ADGRB3: variants seen among roughly 807,000 people sequenced by gnomAD.
ADGRB3 encodes brain-specific angiogenesis inhibitor 3.
In ADGRB3, 37 loss-of-function variants were observed where a neutral mutation model predicts 193.4. The observed-to-expected ratio is 0.19, with a 90% confidence interval of 0.15 to 0.25. The LOEUF is 0.25. Ranked by LOEUF, ADGRB3 falls within the 10% of genes least tolerant of loss-of-function variation. ADGRB3 has a pLI of 1.00. For synonymous variants in ADGRB3, 690 were observed against 644.2 expected, an observed-to-expected ratio of 1.07 and a Z score of -1.08; for missense variants, 1,637 against 1,852.9, an observed-to-expected ratio of 0.88 and a Z score of 2.14.
chr6:69,166,751 A>G (rs1486117435), intron 17 of ADGRB3, among the ~76,000 whole-genome samples: 1 of 152,152 alleles, frequency 6.6e-6, no homozygotes, highest in Non-Finnish European at 1.5e-5. Flanking sequence ...CTAGGGTTGC[A>G]TCATTAGGCC....
At chr6:68,857,418 C>T (rs905803774) in intron 3 of ADGRB3, among the ~76,000 whole-genome samples, 9 of 152,300 alleles carry the variant, frequency 5.9e-5, no homozygotes, top group African/African-American at 2.2e-4. Flanking sequence ...TGTGAACCTG[C>T]CTCTTGCATC....
chr6:69,078,479 A>G (rs1772296488), intron 17 of ADGRB3, among the ~76,000 whole-genome samples: 2 of 152,076 alleles, frequency 1.3e-5, no homozygotes, highest in South Asian at 4.1e-4. Flanking sequence ...TATTGTATGA[A>G]CACTTGACAA....
intron 3 of ADGRB3, among the ~76,000 whole-genome samples, chr6:68,677,800 T>G (rs891279226): frequency 1.4e-4 from 22 of 152,062 alleles, no homozygotes; most frequent in African/African-American, 4.8e-4. Flanking sequence ...AGAGAGGGAG[T>G]TTCGCCATTT....
Position 68,934,047 on chromosome 6 carries a change from G to A in ADGRB3, c.869-2472G>A, listed in dbSNP as rs996965623. On this transcript the variant is annotated intron_variant, in intron 4 of 31. Coordinates refer to ENST00000370598, the MANE Select transcript of ADGRB3 (RefSeq NM_001704.3). ...AGTTATTCTCACAATGGCCTAATGT[G>A]CTTGACTAGAATGTTCTTCATACTT... Among the ~76,000 whole-genome samples, 3 of 152,162 alleles carry A rather than the reference G, an allele frequency of 2.0e-5. No homozygotes were observed. In the South Asian group the frequency reaches 6.2e-4, roughly 32 times the overall value.
chr6:69,227,955 G>A (rs1017502333), intron 17 of ADGRB3, among the ~76,000 whole-genome samples: 4 of 152,132 alleles, frequency 2.6e-5, no homozygotes, highest in African/African-American at 9.7e-5. Flanking sequence ...TCCATTAAAA[G>A]GTAAAAGATC....
At chr6:68,884,993 A>G (rs1182109568) in intron 3 of ADGRB3, among the ~76,000 whole-genome samples, 6 of 152,220 alleles carry the variant, frequency 3.9e-5, no homozygotes, top group African/African-American at 1.2e-4. Flanking sequence ...GATAAGTCAC[A>G]AGCATATGAA....
intron 20 of ADGRB3, among the ~76,000 whole-genome samples, chr6:69,272,834 A>G (rs938259702): frequency 6.6e-6 from 1 of 152,182 alleles, no homozygotes. Context: ...AGCCAGGCCT[A>G]TAATAAATAA....
At chr6:69,358,854 C>T (rs1040173465) in intron 28 of ADGRB3, among the ~76,000 whole-genome samples, 5 of 151,742 alleles carry the variant, frequency 3.3e-5, no homozygotes, top group African/African-American at 1.2e-4. Context: ...GTCTAAGAGG[C>T]AGGCATTTCT....
At chr6:69,066,144 C>G (rs1771898110) in intron 16 of ADGRB3, among the ~76,000 whole-genome samples, 1 of 151,416 alleles carries the variant, frequency 6.6e-6, no homozygotes, top group Non-Finnish European at 1.5e-5. Flanking sequence ...CCCATCCCCC[C>G]ACCTCCAACC....
intron 17 of ADGRB3, among the ~76,000 whole-genome samples, chr6:69,103,636 C>G (rs1750788649): frequency 6.6e-6 from 1 of 151,800 alleles, no homozygotes; most frequent in East Asian, 1.9e-4. Context: ...TGGCTTTTAT[C>G]TTTAATTTTA....
intron 16 of ADGRB3, among the ~76,000 whole-genome samples, chr6:69,072,568 T>G (rs1772106859): frequency 6.6e-6 from 1 of 152,192 alleles, no homozygotes; most frequent in African/African-American, 2.4e-5. Flanking sequence ...GAACAATCAT[T>G]GTGAAATATT....
intron 3 of ADGRB3, among the ~76,000 whole-genome samples, chr6:68,749,198 T>C (rs1317032252): frequency 6.6e-6 from 1 of 152,320 alleles, no homozygotes; most frequent in East Asian, 1.9e-4. Context: ...TTAGGCTCTT[T>C]GCTACTTATG....
chr6:68,917,577 A>C (rs536737138), intron 3 of ADGRB3, among the ~76,000 whole-genome samples: 10 of 152,112 alleles, frequency 6.6e-5, no homozygotes, highest in African/African-American at 2.4e-4. Context: ...GGTACTAATA[A>C]CTCAATATTG....
chr6:69,065,760 TATATACACAC>T (rs1401749732), intron 16 of ADGRB3, among the ~76,000 whole-genome samples: 10 of 118,210 alleles, frequency 8.5e-5, no homozygotes, highest in Non-Finnish European at 1.3e-4. Flanking sequence ...TTCATGTATA[TATATACACAC>T]ACACACACAC....
At chr6:68,806,952 A>C (rs538436950) in intron 3 of ADGRB3, among the ~76,000 whole-genome samples, 2 of 152,274 alleles carry the variant, frequency 1.3e-5, no homozygotes, top group Admixed American at 6.5e-5. Flanking sequence ...AAAGGTATGC[A>C]TATCTTTAAG....
chr6:69,338,767 T>C (rs1278979546), intron 24 of ADGRB3, 149 bp from the exon 25 acceptor site: 1 of 677,004 alleles, frequency 1.5e-6, no homozygotes, highest in South Asian at 1.9e-5. Flanking sequence ...GTAGTATAAA[T>C]GCATCTTTAC....
chr6:68,692,562 C>G (rs544991117), intron 3 of ADGRB3, among the ~76,000 whole-genome samples: 1 of 151,690 alleles, frequency 6.6e-6, no homozygotes, highest in Non-Finnish European at 1.5e-5. Context: ...AGAAAATATA[C>G]CAGGGGTTAC....
intron 11 of ADGRB3, among the ~76,000 whole-genome samples, chr6:69,005,453 A>T (rs920341851): frequency 1.4e-4 from 21 of 152,102 alleles, no homozygotes; most frequent in African/African-American, 4.6e-4. Flanking sequence ...TGAGATTAGT[A>T]TGAAAGACAA....
intron 3 of ADGRB3, among the ~76,000 whole-genome samples, chr6:68,748,353 T>A (rs1338242714): frequency 6.6e-6 from 1 of 152,162 alleles, no homozygotes; most frequent in Non-Finnish European, 1.5e-5. Flanking sequence ...GCTAGTTACT[T>A]CCTAGATATA....
Sources: allele counts gnomAD v4.1 joint callset (sites outside exome capture counted in the v4.1 genomes callset), GRCh38; gene constraint gnomAD v4.1.1; transcripts MANE v1.5; gene names NCBI Gene and HGNC (gene_info 2026-07-23, HGNC 2026-07-21).